GSN: variants seen among roughly 807,000 people sequenced by gnomAD.
GSN encodes gelsolin, also known as actin-depolymerizing factor.
Under a neutral mutation model 85.7 loss-of-function variants are expected in GSN, and 56 were observed. The observed-to-expected ratio is 0.65, with a 90% CI of 0.53 to 0.82. The LOEUF (loss-of-function observed/expected upper bound fraction) is 0.82, where lower values mean the gene tolerates loss of function less well. GSN is among the 40% of genes least tolerant of loss of function. The probability of loss-of-function intolerance (pLI) is 0.00; values close to 1 mark genes in which losing one functional copy is unlikely to be tolerated. For missense variants in GSN, 857 were observed against 979.8 expected (o/e 0.87, Z 1.67); for synonymous variants, 373 against 399.1 (o/e 0.93, Z 0.78).
chr9:121,250,960 T>G (rs1279141513), intron 6 of GSN, among the ~76,000 whole-genome samples: 2 of 151,398 alleles, frequency 1.3e-5, no homozygotes, highest in African/African-American at 4.9e-5. Flanking sequence ...TAGCTGGGAC[T>G]ACAGGCACTT....
At chr9:121,217,207 CA>C (rs972053542) in intron 4 of GSN, among the ~76,000 whole-genome samples, 6 of 150,424 alleles carry the variant, frequency 4.0e-5, no homozygotes, top group East Asian at 1.9e-4. Flanking sequence ...ACTAAAAATA[CA>C]AAAAAAAATT....
At chr9:121,266,749 G>A (rs1023204159), upstream of GSN, among the ~76,000 whole-genome samples, 6 of 152,178 alleles carry the variant, frequency 3.9e-5, no homozygotes, top group African/African-American at 1.4e-4. Context: ...TAGGAGGCCA[G>A]GTAGGGAGGT....
At chr9:121,331,361 A>T in intron 16 of GSN, 27 bp from the exon 17 acceptor site, 1 of 1,517,526 alleles carries the variant, frequency 6.6e-7, no homozygotes, top group Non-Finnish European at 9.1e-7. Context: ...CTCCTCATGT[A>T]CCTTTCCTGT....
intron 4 of GSN, among the ~76,000 whole-genome samples, chr9:121,224,654 T>A (rs939852812): frequency 8.0e-5 from 12 of 149,630 alleles, no homozygotes; most frequent in African/African-American, 3.0e-4. Context: ...TTAGTCTGAA[T>A]ACCAGTGGGA....
chr9:121,318,670 G>T lies in GSN; in HGVS notation c.981G>T (p.Ser327=), dbSNP rs145170518. The T allele has an allele frequency of 2.7e-5, 44 of 1,611,608 alleles. No individual in the cohort carries two copies. The South Asian group carries it at 4.7e-4, about 17-fold the overall frequency. The change falls in exon 10 of 18, where the codon TCG becomes TCT. Residue 327 remains serine, a synonymous_variant. Transcript: ENST00000432226. The surrounding 1 kb of genome is among the most constrained non-coding windows in gnomAD (Gnocchi z 4.3). ...CCTCTGCCTCCCCTCCCCAGGTCTC[G>T]GTCCTTCCTGAGGGCGGTGAGACCC... ...KMDYPKQTQV[S]VLPEGGETPL... is the part of the protein sequence containing the mutation.
chr9:121,249,855 C>T (rs57568206), intron 6 of GSN, among the ~76,000 whole-genome samples: 1 of 152,138 alleles, frequency 6.6e-6, no homozygotes. Flanking sequence ...CTGCTGCTTT[C>T]TTGAAAGAAA....
Position 121,238,593 on chromosome 9 carries a change from A to AT in GSN, c.-389+7291dup, listed in dbSNP as rs563101727. ...CTATACTTTGTGAGCGTGTGAATCAATACTCCTTAATAAATTCCCCTTTAT... is the reference window on the plus strand; with the variant it reads ...CTATACTTTGTGAGCGTGTGAATCAATTACTCCTTAATAAATTCCCCTTTAT... On this transcript the variant is annotated intron_variant, in intron 5 of 24. Coordinates refer to the GSN transcript ENST00000373823. The AT allele has an allele frequency of 3.9e-4, 89 of 227,152 alleles. 3 individuals are homozygous for AT. Among genetic ancestry groups the AT allele is most frequent in the Admixed American group, 3.5e-3 (69 of 19,552 alleles). The allele number at this position is 227,152 out of a possible 1,614,324, so 14.1% of individuals were successfully genotyped here.
chr9:121,234,743 G>A (rs1052916622), intron 5 of GSN, among the ~76,000 whole-genome samples: 1 of 152,202 alleles, frequency 6.6e-6, no homozygotes, highest in Non-Finnish European at 1.5e-5. Context: ...GAGCACTTTG[G>A]GAGGCCAAGG....
rs963821203 is a variant in GSN at position 121,261,826 on chromosome 9, G to T, written c.-340-3328G>T. 1.3e-5 allele frequency among the ~76,000 whole-genome samples: 2 copies of T among 152,146 alleles called. No homozygotes were observed. The highest frequency in any genetic ancestry group is 4.8e-5 in the African/African-American group (2 of 41,418). ...TATATGCCTGAGGCCTTGACACAGA[G>T]AATTCATTTAATTTCCCCATAATTC... On this transcript the variant is annotated intron_variant, in intron 6 of 24. Coordinates refer to the GSN transcript ENST00000373823. This position sits in a 1 kb window ranked among gnomAD's most constrained non-coding sequence, Gnocchi z 4.1.
upstream of GSN, chr9:121,207,744 A>C (rs1469841238): frequency 7.1e-6 from 1 of 140,674 alleles, no homozygotes; most frequent in Non-Finnish European, 1.5e-5. Context: ...GACCTTAGAC[A>C]AATCACTTAA....
intron 1 of GSN, among the ~76,000 whole-genome samples, chr9:121,208,802 C>G (rs1241797651): frequency 6.6e-6 from 1 of 152,158 alleles, no homozygotes; most frequent in Non-Finnish European, 1.5e-5. Context: ...GAGAAACAAC[C>G]AGCTATTTTT....
chr9:121,208,711 C>G (rs2053922380), intron 1 of GSN, among the ~76,000 whole-genome samples: 1 of 152,316 alleles, frequency 6.6e-6, no homozygotes, highest in Non-Finnish European at 1.5e-5. Context: ...ATGGTCACAC[C>G]TAGCTGAAAG....
At chr9:121,308,093 TCA>T (rs1589019998) in intron 4 of GSN, among the ~76,000 whole-genome samples, 2 of 152,142 alleles carry the variant, frequency 1.3e-5, no homozygotes, top group African/African-American at 2.4e-5. Context: ...GGAGCAGAAG[TCA>T]CAGTCTTACC....
At chr9:121,208,626 C>G (rs1030279896) in intron 1 of GSN, among the ~76,000 whole-genome samples, 2 of 152,224 alleles carry the variant, frequency 1.3e-5, no homozygotes, top group Non-Finnish European at 2.9e-5. Flanking sequence ...AAGTAGATAG[C>G]ACATGCCTTC....
At chr9:121,303,585 G>A (rs2060119857) in intron 4 of GSN, among the ~76,000 whole-genome samples, 1 of 152,200 alleles carries the variant, frequency 6.6e-6, no homozygotes, top group African/African-American at 2.4e-5. Context: ...AGCCAGGTGG[G>A]GCAGAGCAAG....
chr9:121,212,374 T>C (rs1041016090), intron 4 of GSN, among the ~76,000 whole-genome samples: 2 of 152,166 alleles, frequency 1.3e-5, no homozygotes, highest in African/African-American at 4.8e-5. Context: ...CCCTAGTTTA[T>C]TGGATTGTCG....
In GSN at chr9:121,225,681, C is replaced by T. The variant is rs140493634; in HGVS notation, c.-527-5484C>T. ...TTTGCCTTTCCTTTGATGAGATGTACACCATCTCGAACTCTTATCTCCTTG... is the reference window on the plus strand; with the variant it reads ...TTTGCCTTTCCTTTGATGAGATGTATACCATCTCGAACTCTTATCTCCTTG... On this transcript the variant is annotated intron_variant, in intron 4 of 24. Coordinates refer to the GSN transcript ENST00000373823. Among the ~76,000 whole-genome samples, 709 of 152,316 alleles carry T rather than the reference C, an allele frequency of 4.7e-3. 6 individuals are homozygous for T. Among genetic ancestry groups the T allele is most frequent in the Middle Eastern group, 0.02 (6 of 294 alleles).
intron 4 of GSN, among the ~76,000 whole-genome samples, chr9:121,230,386 T>C (rs1025535063): frequency 6.6e-6 from 1 of 152,222 alleles, no homozygotes; most frequent in African/African-American, 2.4e-5. Context: ...AAGGACCTCA[T>C]GAAGAGATGT....
chr9:121,248,946 A>G (rs2054757900), intron 6 of GSN, among the ~76,000 whole-genome samples: 1 of 152,170 alleles, frequency 6.6e-6, no homozygotes, highest in African/African-American at 2.4e-5. Flanking sequence ...TATGTTTTTA[A>G]GAAAGATCAT....
Sources: allele counts gnomAD v4.1 joint callset (sites outside exome capture counted in the v4.1 genomes callset), GRCh38; gene constraint gnomAD v4.1.1; non-coding constraint Gnocchi (gnomAD v3.1); transcripts MANE v1.5; gene names NCBI Gene and HGNC (gene_info 2026-07-23, HGNC 2026-07-21).